SOBP: variants seen among roughly 807,000 people sequenced by gnomAD.
SOBP encodes the protein sine oculis-binding protein homolog.
A neutral mutation model predicts 53.6 loss-of-function variants in SOBP; 4 were observed. That is an observed-to-expected ratio of 0.07 (90% confidence interval 0.04 to 0.17). The LOEUF (loss-of-function observed/expected upper bound fraction) is 0.17, where lower values mean the gene tolerates loss of function less well. SOBP is among the 10% of genes least tolerant of loss of function. The pLI, the probability that SOBP is intolerant of heterozygous loss-of-function variation, is 1.00. For synonymous variants in SOBP, 584 were observed against 522.6 expected (o/e 1.12, Z -1.60); for missense variants, 1,088 against 1,204.7 (o/e 0.90, Z 1.43).
chr6:107,608,782 C>T (rs959781910), intron 5 of SOBP, among the ~76,000 whole-genome samples: 5 of 152,164 alleles, frequency 3.3e-5, no homozygotes, highest in African/African-American at 4.8e-5. Flanking sequence ...CAAGAGACAA[C>T]AGAAATTATA....
chr6:107,549,288 A>C (rs1187042371), intron 4 of SOBP, among the ~76,000 whole-genome samples: 1 of 151,978 alleles, frequency 6.6e-6, no homozygotes, highest in Non-Finnish European at 1.5e-5. Context: ...AACAAACAAC[A>C]ACAACAAAAA....
At chr6:107,515,438 AT>A (rs1324651842) in intron 3 of SOBP, among the ~76,000 whole-genome samples, 2 of 152,198 alleles carry the variant, frequency 1.3e-5, no homozygotes, top group East Asian at 3.8e-4. Flanking sequence ...ATTTAGTGTA[AT>A]TTTATTACAT....
At chr6:107,548,331 G>C (rs752335472) in intron 4 of SOBP, among the ~76,000 whole-genome samples, 7 of 149,992 alleles carry the variant, frequency 4.7e-5, no homozygotes, top group Non-Finnish European at 8.9e-5. Context: ...TTGGCTCACT[G>C]CAAGTTCCAC....
chr6:107,588,919 T>G (rs1785657224), intron 5 of SOBP, among the ~76,000 whole-genome samples: 1 of 152,172 alleles, frequency 6.6e-6, no homozygotes, highest in African/African-American at 2.4e-5. Flanking sequence ...AGAAAAGGAA[T>G]AAAAAGAAAA....
At chr6:107,645,320 C>T (rs1277043891) in intron 6 of SOBP, among the ~76,000 whole-genome samples, 1 of 152,212 alleles carries the variant, frequency 6.6e-6, no homozygotes, top group East Asian at 1.9e-4. Context: ...CCCTTTTGCT[C>T]ATTCATAGTT....
At chr6:107,651,626 A>G (rs1239952473) in intron 6 of SOBP, among the ~76,000 whole-genome samples, 1 of 152,258 alleles carries the variant, frequency 6.6e-6, no homozygotes, top group African/African-American at 2.4e-5. Context: ...GAAGGTGACT[A>G]CACTAGACAA....
At chr6:107,623,716 A>C (rs2115123782) in intron 5 of SOBP, among the ~76,000 whole-genome samples, 1 of 152,366 alleles carries the variant, frequency 6.6e-6, no homozygotes, top group Non-Finnish European at 1.5e-5. Context: ...AACTCTAGAC[A>C]AGTAGTTTGA....
intron 6 of SOBP, among the ~76,000 whole-genome samples, chr6:107,638,204 TTTATTTAG>T (rs1440326032): frequency 4.0e-5 from 6 of 151,676 alleles, no homozygotes; most frequent in Admixed American, 6.6e-5. Flanking sequence ...GTTTTATTTA[TTTATTTAG>T]TTATTTATTA....
chr6:107,604,821 G>A (rs1363194792), intron 5 of SOBP, among the ~76,000 whole-genome samples: 1 of 152,242 alleles, frequency 6.6e-6, no homozygotes, highest in Non-Finnish European at 1.5e-5. Flanking sequence ...TCAGCAGGCA[G>A]TGGCATGTGT....
chr6:107,625,746 A>G (rs1295956795), intron 5 of SOBP, among the ~76,000 whole-genome samples: 2 of 152,192 alleles, frequency 1.3e-5, no homozygotes, highest in African/African-American at 4.8e-5. Flanking sequence ...AATCACAGCA[A>G]TCCTTCCAAA....
At chr6:107,510,250 G>T (rs1402072352) in intron 3 of SOBP, among the ~76,000 whole-genome samples, 1 of 152,184 alleles carries the variant, frequency 6.6e-6, no homozygotes, top group African/African-American at 2.4e-5. Context: ...AGTGGGCAGG[G>T]TGTGGCCCAC....
intron 4 of SOBP, among the ~76,000 whole-genome samples, chr6:107,584,997 A>G (rs1193179931): frequency 6.6e-6 from 1 of 152,206 alleles, no homozygotes; most frequent in Non-Finnish European, 1.5e-5. Context: ...ATATAGACAT[A>G]CATATGTAAA....
At chr6:107,513,207 A>G (rs1031349703) in intron 3 of SOBP, among the ~76,000 whole-genome samples, 7 of 152,226 alleles carry the variant, frequency 4.6e-5, no homozygotes, top group Non-Finnish European at 7.3e-5. Context: ...TTTGAAAACA[A>G]TGACCATTTC....
intron 5 of SOBP, among the ~76,000 whole-genome samples, chr6:107,616,087 G>C (rs111542949): frequency 3.9e-5 from 5 of 128,240 alleles, no homozygotes; most frequent in Non-Finnish European, 6.6e-5. Flanking sequence ...AGGGGGGTGG[G>C]GGGGGGGCGG....
chr6:107,513,723 T>C (rs1783235958), intron 3 of SOBP, among the ~76,000 whole-genome samples: 2 of 131,822 alleles, frequency 1.5e-5, no homozygotes, highest in African/African-American at 5.6e-5. Flanking sequence ...GATGCAATTC[T>C]CAAAAAAAAA....
intron 3 of SOBP, among the ~76,000 whole-genome samples, chr6:107,523,470 A>C (rs1783572843): frequency 6.6e-6 from 1 of 152,238 alleles, no homozygotes. Flanking sequence ...CAACCTACTG[A>C]ACTTGACTTT....
chr6:107,570,728 A>G (rs530338176), intron 4 of SOBP, among the ~76,000 whole-genome samples: 1 of 152,350 alleles, frequency 6.6e-6, no homozygotes, highest in East Asian at 1.9e-4. Flanking sequence ...GCAACAGGGT[A>G]TGCCTGGCAG....
At chr6:107,509,171 G>T (rs544026582) in intron 3 of SOBP, among the ~76,000 whole-genome samples, 1 of 152,194 alleles carries the variant, frequency 6.6e-6, no homozygotes, top group South Asian at 2.1e-4. Context: ...GAGGCGGGCG[G>T]ATCACCTGAG....
chr6:107,561,477 G>A (rs1307149447), intron 4 of SOBP, among the ~76,000 whole-genome samples: 1 of 152,138 alleles, frequency 6.6e-6, no homozygotes, highest in Non-Finnish European at 1.5e-5. Context: ...CCCCTGCCCC[G>A]ACTGAGGAGG....
Sources: allele counts gnomAD v4.1 joint callset (sites outside exome capture counted in the v4.1 genomes callset), GRCh38; gene constraint gnomAD v4.1.1; transcripts MANE v1.5; gene names NCBI Gene and HGNC (gene_info 2026-07-23, HGNC 2026-07-21).